LPP: variants seen among roughly 807,000 people sequenced by gnomAD.
The protein encoded by LPP is LIM domain containing preferred translocation partner in lipoma, also known as lipoma-preferred partner.
Under a neutral mutation model 60.4 loss-of-function variants are expected in LPP, and 38 were observed. That is an observed-to-expected ratio of 0.63 (90% confidence interval 0.49 to 0.83). The LOEUF (loss-of-function observed/expected upper bound fraction) is 0.83. LPP is among the 40% of genes least tolerant of loss of function. LPP has a pLI of 0.00. For synonymous variants in LPP, 328 were observed against 290.8 expected (o/e 1.13, Z -1.30); for missense variants, 902 against 783.6 (o/e 1.15, Z -1.80).
intron 5 of LPP, among the ~76,000 whole-genome samples, chr3:188,489,755 C>T (rs542175797): frequency 1.3e-5 from 2 of 152,182 alleles, no homozygotes; most frequent in Non-Finnish European, 2.9e-5. Flanking sequence ...TACCTGCTGA[C>T]ATCTGATGGC....
intron 9 of LPP, among the ~76,000 whole-genome samples, chr3:188,791,636 C>CT (rs759725334): frequency 6.6e-6 from 1 of 151,842 alleles, no homozygotes; most frequent in Non-Finnish European, 1.5e-5. Context: ...TATCCGTAGT[C>CT]TTTTGTGTGT....
At chr3:188,348,739 G>C (rs1045543964) in intron 3 of LPP, among the ~76,000 whole-genome samples, 2 of 152,214 alleles carry the variant, frequency 1.3e-5, no homozygotes, top group Non-Finnish European at 2.9e-5. Context: ...AAGAGCCCCA[G>C]GTAGTTCATA....
intron 2 of LPP, among the ~76,000 whole-genome samples, chr3:188,298,339 T>G (rs1390579988): frequency 6.6e-6 from 1 of 152,214 alleles, no homozygotes; most frequent in Non-Finnish European, 1.5e-5. Flanking sequence ...TTGTCCACCA[T>G]GAGCACAGGC....
chr3:188,571,194 C>T (rs1273206591), intron 6 of LPP, among the ~76,000 whole-genome samples: 1 of 151,968 alleles, frequency 6.6e-6, no homozygotes, highest in African/African-American at 2.4e-5. Flanking sequence ...CACATTTGGC[C>T]CTCCCATGTT....
intron 4 of LPP, among the ~76,000 whole-genome samples, chr3:188,450,762 C>A (rs1796400996): frequency 6.7e-6 from 1 of 148,352 alleles, no homozygotes; most frequent in African/African-American, 2.5e-5. Flanking sequence ...AAAAAAAAAT[C>A]TATTTACATT....
intron 2 of LPP, among the ~76,000 whole-genome samples, chr3:188,306,377 C>T (rs937078002): frequency 6.6e-5 from 10 of 152,218 alleles, no homozygotes; most frequent in Non-Finnish European, 1.0e-4. Context: ...GTGTGAGCCA[C>T]CGTGCCTGGC....
chr3:188,365,574 G>A lies in LPP; in HGVS notation c.-10+23855G>A, dbSNP rs531980093. ...ACGTACCTGCAAGAGGTAGTTATTC[G>A]AGCAGCAGTCTTTGTGAGACTGGAA... On this transcript the variant is annotated intron_variant, in intron 3 of 11. Transcript: ENST00000617246. Among the ~76,000 whole-genome samples the A allele has an allele frequency of 3.9e-5, 6 of 152,184 alleles. No homozygotes were observed. The East Asian group carries it at 7.7e-4, about 20-fold the overall frequency.
rs555228510 is a variant in LPP, at chr3:188,795,380, G to A, written c.1410+35098G>A. On this transcript the variant is annotated intron_variant, in intron 9 of 11. Transcript: ENST00000617246. The stretch of plus-strand genomic sequence containing the variant: ...CCCATGTTTAGCCAGTGCATTCCAC[G>A]TGGGATTCAGAGACTCTGTCTTATT... 2.2e-4 allele frequency among the ~76,000 whole-genome samples: 33 copies of A among 152,190 alleles called. No homozygotes were observed. The South Asian group carries it at 6.2e-3, about 29-fold the overall frequency.
At position 188,478,106 on chromosome 3, in the gene LPP, T is replaced by C. The variant is rs748067772; in HGVS notation, c.194-6486T>C. Among the ~76,000 whole-genome samples the C allele has an allele frequency of 1.0e-3, 155 of 152,342 alleles. 1 individual carries two copies. Among genetic ancestry groups the C allele is most frequent in the Non-Finnish European group, 1.4e-3 (92 of 68,028 alleles). ...TTCATTGCCTTATGGAGATCATCAT[T>C]GCTGTTACCTTTGTTTTATCCTCTC... On this transcript the variant is annotated intron_variant, in intron 4 of 11. Coordinates refer to ENST00000617246, the MANE Select transcript of LPP (RefSeq NM_001375462.1).
chr3:188,386,791 T>C (rs1417874822), intron 3 of LPP, among the ~76,000 whole-genome samples: 3 of 152,148 alleles, frequency 2.0e-5, no homozygotes, highest in African/African-American at 7.2e-5. Context: ...GAAGTTTAAT[T>C]CAAACTCCAG....
At chr3:188,654,612 A>G (rs746435435) in intron 7 of LPP, among the ~76,000 whole-genome samples, 5 of 152,068 alleles carry the variant, frequency 3.3e-5, no homozygotes, top group Non-Finnish European at 7.3e-5. Flanking sequence ...AAATGGAGCA[A>G]TTTTCCACAA....
intron 2 of LPP, among the ~76,000 whole-genome samples, chr3:188,276,889 CTTTTCTTTTTTTTT>C (rs1237142732): frequency 1.2e-4 from 7 of 60,182 alleles, no homozygotes; most frequent in South Asian, 5.2e-4. Context: ...CACTTCTTTT[CTTTTCTTTTTTTTT>C]TTTTTTTTTT....
At chr3:188,462,582 ATATGCATGTGTGTG>A (rs1799321033) in intron 4 of LPP, among the ~76,000 whole-genome samples, 5 of 42,370 alleles carry the variant, frequency 1.2e-4, no homozygotes, top group South Asian at 1.3e-3. Context: ...ATATATATAT[ATATGCATGTGTGTG>A]TGTGTGTGTG....
intron 8 of LPP, among the ~76,000 whole-genome samples, chr3:188,738,395 A>C (rs1723249081): frequency 6.6e-6 from 1 of 152,176 alleles, no homozygotes; most frequent in African/African-American, 2.4e-5. Flanking sequence ...GGTAGTTTAT[A>C]CCCAGATAGG....
intron 3 of LPP, among the ~76,000 whole-genome samples, chr3:188,396,298 GAT>G (rs1421086711): frequency 1.3e-5 from 2 of 152,016 alleles, no homozygotes; most frequent in Non-Finnish European, 2.9e-5. Flanking sequence ...ATTTTATTGA[GAT>G]ATCAAAATAA....
chr3:188,405,155 A>G (rs940851544), intron 3 of LPP, among the ~76,000 whole-genome samples: 18 of 152,170 alleles, frequency 1.2e-4, no homozygotes, highest in East Asian at 7.7e-4. Context: ...TGAATATTCT[A>G]TCCTCCGGTC....
intron 6 of LPP, among the ~76,000 whole-genome samples, chr3:188,591,447 T>C (rs1838683601): frequency 6.6e-6 from 1 of 152,250 alleles, no homozygotes; most frequent in South Asian, 2.1e-4. Context: ...ATTTGCTCCA[T>C]ACATATTCAT....
intron 1 of LPP, among the ~76,000 whole-genome samples, chr3:188,222,841 C>T (rs1448235939): frequency 6.6e-6 from 1 of 152,096 alleles, no homozygotes; most frequent in Non-Finnish European, 1.5e-5. Flanking sequence ...TTATTTTCTT[C>T]TCTTTTGGAG....
At chr3:188,851,935 G>A (rs749709166) in intron 9 of LPP, among the ~76,000 whole-genome samples, 13 of 152,130 alleles carry the variant, frequency 8.5e-5, no homozygotes, top group Admixed American at 2.0e-4. Flanking sequence ...GGCTGAGGCA[G>A]GCAGATCACT....
Sources: allele counts gnomAD v4.1 joint callset (sites outside exome capture counted in the v4.1 genomes callset), GRCh38; gene constraint gnomAD v4.1.1; transcripts MANE v1.5; gene names NCBI Gene and HGNC (gene_info 2026-07-23, HGNC 2026-07-21).